The following TMEM150C variants were observed in gnomAD, a reference collection of about 807,000 sequenced individuals.
The protein encoded by TMEM150C is tentonin 3.
In TMEM150C, 10 loss-of-function variants were observed where a neutral mutation model predicts 29.9. The observed-to-expected ratio is 0.33, with a 90% CI of 0.21 to 0.57. TMEM150C has a LOEUF of 0.57. TMEM150C is among the 20% of genes least tolerant of loss of function. The pLI, the probability that TMEM150C is intolerant of heterozygous loss-of-function variation, is 0.88. For synonymous variants in TMEM150C, 101 were observed against 112.5 expected (o/e 0.90, Z 0.64); for missense variants, 251 against 303.6 (o/e 0.83, Z 1.29).
intron 1 of TMEM150C, among the ~76,000 whole-genome samples, chr4:82,540,099 A>G (rs1009686957): frequency 5.9e-5 from 7 of 118,604 alleles, no homozygotes; most frequent in African/African-American, 1.6e-4. Context: ...TAGTCATTCA[A>G]TGTTTCTACC....
At chr4:82,520,521 C>T (rs908070760) in intron 1 of TMEM150C, among the ~76,000 whole-genome samples, 1 of 152,170 alleles carries the variant, frequency 6.6e-6, no homozygotes. Flanking sequence ...AATAAGAGTT[C>T]AAACTGAACC....
At chr4:82,514,086 G>A (rs764254610) in intron 1 of TMEM150C, among the ~76,000 whole-genome samples, 4 of 152,196 alleles carry the variant, frequency 2.6e-5, no homozygotes, top group Admixed American at 1.3e-4. Flanking sequence ...CAGATTTGGC[G>A]AAGGAGGAAA....
intron 5 of TMEM150C, among the ~76,000 whole-genome samples, 180 bp downstream of exon 5, chr4:82,502,547 C>T (rs990137895): frequency 2.0e-5 from 3 of 152,124 alleles, no homozygotes; most frequent in Admixed American, 6.5e-5. Flanking sequence ...GCAGGGTGAA[C>T]GTAAATGGAT....
At chr4:82,534,357 T>C (rs1025067323) in intron 1 of TMEM150C, among the ~76,000 whole-genome samples, 1 of 152,122 alleles carries the variant, frequency 6.6e-6, no homozygotes. Flanking sequence ...CATTTAACAA[T>C]AGAGCTTAGC....
chr4:82,562,234 G>T, upstream of TMEM150C: 1 of 1,283,592 alleles, frequency 7.8e-7, no homozygotes, highest in Non-Finnish European at 1.0e-6. Flanking sequence ...TTTGCCTGGC[G>T]CTCCTCATCC....
intron 7 of TMEM150C, among the ~76,000 whole-genome samples, chr4:82,489,045 ACCCAGCGGAT>A (rs1418627734): frequency 1.4e-5 from 2 of 145,700 alleles, no homozygotes; most frequent in Non-Finnish European, 3.0e-5. Flanking sequence ...TCGCCACAAC[ACCCAGCGGAT>A]TTTTAGATTT....
intron 6 of TMEM150C, among the ~76,000 whole-genome samples, chr4:82,492,481 A>T (rs1327808868): frequency 2.6e-5 from 4 of 152,100 alleles, no homozygotes; most frequent in African/African-American, 7.2e-5. Context: ...TAGTAATAAG[A>T]AAAACTGTCA....
chr4:82,495,865 A>G (rs756979808), intron 6 of TMEM150C: 5 of 620,824 alleles, frequency 8.1e-6, no homozygotes, highest in South Asian at 2.5e-5. Context: ...CTGGCAGCCA[A>G]TGGCTAGGAA....
chr4:82,537,281 G>A (rs370702414), intron 1 of TMEM150C, among the ~76,000 whole-genome samples: 28 of 152,188 alleles, frequency 1.8e-4, no homozygotes, highest in East Asian at 3.9e-4. Flanking sequence ...CACCGCGTCC[G>A]GCCCAACTTC....
intron 1 of TMEM150C, among the ~76,000 whole-genome samples, chr4:82,548,755 G>A (rs867636524): frequency 2.0e-5 from 3 of 152,226 alleles, no homozygotes; most frequent in Admixed American, 6.5e-5. Context: ...GTGGGCAAGC[G>A]AGGAGGTAAT....
rs1284104944 is a variant in TMEM150C at position 82,490,055 on chromosome 4, G to A, written c.541+6C>T. 1 of 1,612,478 alleles carries A rather than the reference G, an allele frequency of 6.2e-7. No individual in the cohort carries two copies. The highest frequency in any genetic ancestry group is 8.5e-7 in the Non-Finnish European group (1 of 1,179,196). On this transcript the variant is annotated splice_donor_region_variant and intron_variant, in intron 7 of 7. Transcript: ENST00000449862. Reference sequence around the variant, plus strand: ...GCAAAAGAAGCTTTTCACGTTCAAAGGATACAGAGGACCACACAGAGAGTG... The same window carrying A: ...GCAAAAGAAGCTTTTCACGTTCAAAAGATACAGAGGACCACACAGAGAGTG...
chr4:82,546,599 C>T (rs571108286), intron 1 of TMEM150C, among the ~76,000 whole-genome samples: 70 of 152,140 alleles, frequency 4.6e-4, no homozygotes, highest in Admixed American at 7.2e-4. Context: ...GAGGCCGAGG[C>T]GGGCAGATTA....
intron 1 of TMEM150C, among the ~76,000 whole-genome samples, chr4:82,522,711 G>C (rs1458418604): frequency 6.6e-6 from 1 of 152,206 alleles, no homozygotes; most frequent in Non-Finnish European, 1.5e-5. Flanking sequence ...GTTAGGAAGA[G>C]AGATTGAGCT....
At chr4:82,491,636 C>T in intron 6 of TMEM150C, 2 of 567,402 alleles carry the variant, frequency 3.5e-6, no homozygotes, top group Non-Finnish European at 3.1e-6. Flanking sequence ...CTTTCAGCAC[C>T]TTTGGCAGCA....
chr4:82,524,950 T>C (rs1370312944), intron 1 of TMEM150C, among the ~76,000 whole-genome samples: 6 of 152,168 alleles, frequency 3.9e-5, no homozygotes, highest in Non-Finnish European at 8.8e-5. Context: ...ACAAACTAAA[T>C]GAGAAGGATT....
chr4:82,487,455 C>A (rs1475808927), intron 7 of TMEM150C, among the ~76,000 whole-genome samples: 4 of 151,994 alleles, frequency 2.6e-5, no homozygotes, highest in African/African-American at 9.7e-5. Context: ...TCTTAAATCA[C>A]AAAAAACATC....
intron 7 of TMEM150C, among the ~76,000 whole-genome samples, chr4:82,487,368 G>A (rs1236175509): frequency 2.0e-5 from 3 of 152,168 alleles, no homozygotes; most frequent in African/African-American, 7.2e-5. Flanking sequence ...AGGATGGCTT[G>A]AACCCAGGAG....
intron 5 of TMEM150C, among the ~76,000 whole-genome samples, chr4:82,499,947 G>GT (rs946265091): frequency 8.0e-4 from 122 of 152,220 alleles, no homozygotes; most frequent in African/African-American, 2.8e-3. Flanking sequence ...CTGTCAATAT[G>GT]TTTTGCCTGA....
At chr4:82,506,440 A>T (rs1200483350) in intron 1 of TMEM150C, among the ~76,000 whole-genome samples, 1 of 151,454 alleles carries the variant, frequency 6.6e-6, no homozygotes, top group Non-Finnish European at 1.5e-5. Flanking sequence ...TAGTTTACAG[A>T]TCTAAATTAC....
Sources: allele counts gnomAD v4.1 joint callset (sites outside exome capture counted in the v4.1 genomes callset), GRCh38; gene constraint gnomAD v4.1.1; transcripts MANE v1.5; gene names NCBI Gene and HGNC (gene_info 2026-07-23, HGNC 2026-07-21).